Variants in STAB2 observed in about 807,000 individuals in gnomAD.
The protein encoded by STAB2 is stabilin 2, also known as stabilin-2.
STAB2 carries 288 observed loss-of-function variants against 338.1 expected under a neutral mutation model. The ratio of observed to expected loss-of-function variants is 0.85; its 90% CI spans 0.77 to 0.94. The LOEUF is 0.94. Ranked by LOEUF, STAB2 falls within the 40% of genes least tolerant of loss-of-function variation. The pLI is 0.00. For synonymous variants in STAB2, 1,202 were observed against 1,193.3 expected (o/e 1.01, Z -0.15); for missense variants, 3,141 against 3,210.1 (o/e 0.98, Z 0.52).
chr12:103,694,094 G>A (rs946682121), intron 31 of STAB2, among the ~76,000 whole-genome samples: 2 of 152,236 alleles, frequency 1.3e-5, no homozygotes, highest in Admixed American at 6.5e-5. Context: ...CTGTCAATTG[G>A]CATCAAGGGC....
At chr12:103,666,823 A>G (rs947799390) in intron 19 of STAB2, among the ~76,000 whole-genome samples, 2 of 152,248 alleles carry the variant, frequency 1.3e-5, no homozygotes, top group African/African-American at 4.8e-5. Context: ...GGGACTATCA[A>G]AAGCTTCCAA....
chr12:103,746,572 A>G, intron 57 of STAB2, 25 bp from the exon 58 acceptor site: 1 of 1,610,746 alleles, frequency 6.2e-7, no homozygotes, highest in Non-Finnish European at 8.5e-7. Flanking sequence ...TGGGTACAGA[A>G]TGAAAGTGGC....
chr12:103,674,168 T>C, intron 23 of STAB2, 81 bp downstream of exon 23: 1 of 1,493,432 alleles, frequency 6.7e-7, no homozygotes, highest in Non-Finnish European at 9.0e-7. Context: ...CTGTGTTACC[T>C]GTAGACGGAG....
intron 3 of STAB2, among the ~76,000 whole-genome samples, chr12:103,598,996 T>C (rs1956917521): frequency 6.6e-6 from 1 of 152,208 alleles, no homozygotes; most frequent in South Asian, 2.1e-4. Context: ...TTTTGCAGCC[T>C]GCCCAAAGAG....
chr12:103,611,414 G>A (rs924472924), intron 3 of STAB2, among the ~76,000 whole-genome samples: 4 of 152,202 alleles, frequency 2.6e-5, no homozygotes, highest in African/African-American at 9.7e-5. Flanking sequence ...AGCTCTTCTT[G>A]TTAAATTGAT....
chr12:103,733,393 G>A (rs1881799020), intron 51 of STAB2, among the ~76,000 whole-genome samples: 1 of 151,824 alleles, frequency 6.6e-6, no homozygotes. Context: ...CTGTTCCTTG[G>A]ACCTGCCAAT....
chr12:103,647,022 G>A (rs191102478), intron 9 of STAB2, among the ~76,000 whole-genome samples: 23 of 152,196 alleles, frequency 1.5e-4, no homozygotes, highest in African/African-American at 5.1e-4. Context: ...GTAGTTTAGC[G>A]CTGCTGGAAT....
At position 103,759,218 on chromosome 12, in the gene STAB2, A is replaced by G; in HGVS notation, c.7193A>G (p.Gln2398Arg). ...YNDLVNGTTL[Q>R]TRLGSKLLIT... is the part of the protein sequence containing the mutation. ...GACCTTGTCAATGGCACCACCCTGC[A>G]AACGAGGCTGGGAAGCAAGCTGCTC... Residue 2398 changes from glutamine to arginine, a missense_variant, in exon 65 of 69, where the codon CAA (glutamine) becomes CGA (arginine). By Grantham distance (43) the Gln-to-Arg change is conservative. Coordinates refer to ENST00000388887, the MANE Select transcript of STAB2 (RefSeq NM_017564.10). 1.9e-6 allele frequency: 3 copies of G among 1,614,196 alleles called. No individual in the cohort carries two copies. Among genetic ancestry groups the G allele is most frequent in the Non-Finnish European group, 2.5e-6 (3 of 1,180,036 alleles).
chr12:103,682,296 A>T (rs933432563), intron 25 of STAB2, among the ~76,000 whole-genome samples: 2 of 151,382 alleles, frequency 1.3e-5, no homozygotes, highest in African/African-American at 4.9e-5. Context: ...TGATGCTCCC[A>T]TCAGCCCTTG....
chr12:103,701,555 T>C (rs1032972161), intron 34 of STAB2, among the ~76,000 whole-genome samples: 1 of 152,234 alleles, frequency 6.6e-6, no homozygotes, highest in South Asian at 2.1e-4. Context: ...CATAATTCTC[T>C]GAATATACCT....
Position 103,637,197 on chromosome 12 carries a change from T to C in STAB2, c.670T>C (p.Cys224Arg), listed in dbSNP as rs1957561401. The change falls in exon 7 of 69, where the codon TGC becomes CGC. Residue 224 changes from cysteine to arginine, a missense_variant. Coordinates refer to ENST00000388887, the MANE Select transcript of STAB2 (RefSeq NM_017564.10). Reference sequence around the variant, plus strand: ...AGATGAAAACAAACTGGAATGCAAATGCCTTCCCAATTACCGAGGCGATGG... The same window carrying C: ...AGATGAAAACAAACTGGAATGCAAACGCCTTCCCAATTACCGAGGCGATGG... ...TEDENKLECK[C>R]LPNYRGDGKY... is the part of the protein sequence containing the mutation. The C allele has an allele frequency of 6.2e-7, 1 of 1,612,798 alleles. No homozygotes were observed. Among genetic ancestry groups the C allele is most frequent in the Non-Finnish European group, 8.5e-7 (1 of 1,179,640 alleles).
At chr12:103,690,066 C>T in intron 29 of STAB2, 84 bp downstream of exon 29, 3 of 1,520,976 alleles carry the variant, frequency 2.0e-6, no homozygotes, top group Non-Finnish European at 1.8e-6. Context: ...AGGAAAACCA[C>T]ATGGTCCTTC....
chr12:103,653,765 CGGAT>C (rs1211885571), intron 12 of STAB2, among the ~76,000 whole-genome samples: 1 of 43,958 alleles, frequency 2.3e-5, no homozygotes, highest in Non-Finnish European at 4.5e-5. Context: ...GATGGATGGA[CGGAT>C]GGATGGATGG....
At chr12:103,664,462 C>A (rs1299151926) in intron 18 of STAB2, among the ~76,000 whole-genome samples, 1 of 152,172 alleles carries the variant, frequency 6.6e-6, no homozygotes, top group African/African-American at 2.4e-5. Flanking sequence ...CGGTTTTAAT[C>A]AAAGCACCTG....
At chr12:103,701,672 C>T (rs1168886177) in intron 34 of STAB2, among the ~76,000 whole-genome samples, 2 of 152,116 alleles carry the variant, frequency 1.3e-5, no homozygotes, top group Non-Finnish European at 2.9e-5. Flanking sequence ...TCTTAGAATT[C>T]TGGAAATTTA....
At chr12:103,759,316 C>T in intron 65 of STAB2, 43 bp downstream of exon 65, 1 of 1,603,898 alleles carries the variant, frequency 6.2e-7, no homozygotes, top group Admixed American at 1.7e-5. Context: ...GGAGATAATG[C>T]ATGCAAAGTT....
chr12:103,597,900 T>G (rs1170017772), intron 3 of STAB2, among the ~76,000 whole-genome samples: 1 of 152,198 alleles, frequency 6.6e-6, no homozygotes, highest in African/African-American at 2.4e-5. Flanking sequence ...AATCTGATTA[T>G]TTCAAAAAGA....
At chr12:103,696,297 G>T (rs1446723772) in intron 33 of STAB2, among the ~76,000 whole-genome samples, 2 of 152,072 alleles carry the variant, frequency 1.3e-5, no homozygotes, top group Non-Finnish European at 2.9e-5. Context: ...GGGGCTTTCA[G>T]TGCCACCCCC....
intron 63 of STAB2, chr12:103,757,900 T>G: frequency 2.2e-6 from 1 of 464,596 alleles, no homozygotes; most frequent in South Asian, 2.7e-5. Context: ...AGACTCGAGA[T>G]TTGATGCACC....
Sources: allele counts gnomAD v4.1 joint callset (sites outside exome capture counted in the v4.1 genomes callset), GRCh38; gene constraint gnomAD v4.1.1; transcripts MANE v1.5; gene names NCBI Gene and HGNC (gene_info 2026-07-23, HGNC 2026-07-21).